Variants in GABBR2 observed in about 807,000 individuals in gnomAD.
GABBR2 encodes G-protein coupled receptor 51.
A neutral mutation model predicts 105.6 loss-of-function variants in GABBR2; 23 were observed. The observed-to-expected ratio is 0.22, with a 90% CI of 0.16 to 0.31. The LOEUF is 0.31. Ranked by LOEUF, GABBR2 falls within the 10% of genes least tolerant of loss-of-function variation. The pLI is 1.00. For synonymous variants in GABBR2, 478 were observed against 499.7 expected (o/e 0.96, Z 0.58); for missense variants, 734 against 1,245.5 (o/e 0.59, Z 6.18).
At chr9:98,486,091 A>G (rs909985258) in intron 4 of GABBR2, among the ~76,000 whole-genome samples, 1 of 152,134 alleles carries the variant, frequency 6.6e-6, no homozygotes, top group Non-Finnish European at 1.5e-5. Context: ...TCTCCTGAGT[A>G]CTTCCACAAT....
intron 7 of GABBR2, among the ~76,000 whole-genome samples, chr9:98,433,804 G>A (rs529431020): frequency 1.1e-4 from 17 of 152,262 alleles, no homozygotes; most frequent in African/African-American, 4.1e-4. Context: ...TGGAAGGTGG[G>A]GGCTCAGAAG....
chr9:98,411,153 T>C (rs1832584970), intron 7 of GABBR2, among the ~76,000 whole-genome samples: 2 of 152,202 alleles, frequency 1.3e-5, no homozygotes, highest in South Asian at 4.1e-4. Context: ...AAGGATTTTT[T>C]TTCCCCCTGA....
chr9:98,425,738 G>A (rs1035501953), intron 7 of GABBR2, among the ~76,000 whole-genome samples: 18 of 152,172 alleles, frequency 1.2e-4, no homozygotes, highest in African/African-American at 4.3e-4. Context: ...GACTTTGAGT[G>A]GCAGAGCTGG....
chr9:98,561,751 G>A (rs1828676627), intron 2 of GABBR2, among the ~76,000 whole-genome samples: 1 of 152,176 alleles, frequency 6.6e-6, no homozygotes, highest in Non-Finnish European at 1.5e-5. Context: ...TGGCATGGTG[G>A]CATGTGCCTA....
chr9:98,453,274 C>T (rs1440569535), intron 7 of GABBR2, among the ~76,000 whole-genome samples: 1 of 152,254 alleles, frequency 6.6e-6, no homozygotes, highest in Non-Finnish European at 1.5e-5. Flanking sequence ...GATCCACCCG[C>T]CTCAGCCTCC....
At chr9:98,354,475 T>G (rs1212712422) in intron 13 of GABBR2, among the ~76,000 whole-genome samples, 1 of 152,254 alleles carries the variant, frequency 6.6e-6, no homozygotes, top group Non-Finnish European at 1.5e-5. Flanking sequence ...GAAAATGTGT[T>G]GTTTAGTGTA....
At chr9:98,386,098 T>C (rs1189064002) in intron 10 of GABBR2, among the ~76,000 whole-genome samples, 3 of 152,234 alleles carry the variant, frequency 2.0e-5, no homozygotes, top group Admixed American at 6.5e-5. Flanking sequence ...TTTCTAATTG[T>C]TGATTTCCCT....
At chr9:98,587,570 A>G (rs926657538) in intron 1 of GABBR2, among the ~76,000 whole-genome samples, 1 of 152,226 alleles carries the variant, frequency 6.6e-6, no homozygotes, top group Non-Finnish European at 1.5e-5. Context: ...TGAGAGCCAG[A>G]CCCATTTAAC....
intron 1 of GABBR2, among the ~76,000 whole-genome samples, chr9:98,586,238 C>T (rs552660508): frequency 1.3e-5 from 2 of 152,068 alleles, no homozygotes; most frequent in South Asian, 4.2e-4. Context: ...AGGGGGAGCC[C>T]CAGGCCTGAA....
rs189916602 is a variant in GABBR2, at chr9:98,678,254, C to A, written c.321+30163G>T. ...TTCACCTTGATCATATTGTTTTCAT[C>A]CTGCTTTAGAACAATTTGTTTTCAG... On this transcript the variant is annotated intron_variant, in intron 1 of 18. Transcript: ENST00000259455. 5.1e-3 allele frequency among the ~76,000 whole-genome samples: 780 copies of A among 152,276 alleles called. 3 individuals carry two copies. The highest frequency in any genetic ancestry group is 8.1e-3 in the Non-Finnish European group (554 of 68,024).
intron 2 of GABBR2, among the ~76,000 whole-genome samples, chr9:98,575,504 C>T (rs764907792): frequency 2.0e-5 from 3 of 152,092 alleles, no homozygotes; most frequent in Non-Finnish European, 4.4e-5. Context: ...TCTTTCCATC[C>T]ACACAACAAA....
intron 13 of GABBR2, among the ~76,000 whole-genome samples, chr9:98,330,563 C>A (rs1234327318): frequency 1.3e-5 from 2 of 152,142 alleles, no homozygotes; most frequent in Non-Finnish European, 2.9e-5. Flanking sequence ...GGTATTGGAC[C>A]CGACAATCAT....
At chr9:98,343,430 G>C (rs1305746754) in intron 13 of GABBR2, among the ~76,000 whole-genome samples, 1 of 152,216 alleles carries the variant, frequency 6.6e-6, no homozygotes, top group East Asian at 1.9e-4. Context: ...GGAATGGTCA[G>C]GTGGAGGTGT....
At chr9:98,455,535 C>T (rs1826310893) in intron 6 of GABBR2, among the ~76,000 whole-genome samples, 1 of 152,202 alleles carries the variant, frequency 6.6e-6, no homozygotes, top group South Asian at 2.1e-4. Context: ...AGAGACATGT[C>T]CAAGGTTACA....
intron 13 of GABBR2, among the ~76,000 whole-genome samples, chr9:98,319,848 T>A (rs888277022): frequency 6.6e-6 from 1 of 152,166 alleles, no homozygotes; most frequent in Non-Finnish European, 1.5e-5. Flanking sequence ...CTGCTCCTCC[T>A]CACCTTCAGG....
chr9:98,610,794 CG>C (rs1320370975), intron 1 of GABBR2, among the ~76,000 whole-genome samples: 1 of 151,436 alleles, frequency 6.6e-6, no homozygotes, highest in East Asian at 1.9e-4. Flanking sequence ...AAAAAAAAAA[CG>C]TGTGCTGTTT....
chr9:98,420,104 G>A (rs117932889), intron 7 of GABBR2, among the ~76,000 whole-genome samples: 2,213 of 152,154 alleles, frequency 0.015, 21 homozygotes, highest in Non-Finnish European at 0.024. Flanking sequence ...AGGGGTGGTG[G>A]TGTGATGAAG....
intron 15 of GABBR2, among the ~76,000 whole-genome samples, chr9:98,305,592 A>C (rs1019129840): frequency 1.3e-5 from 2 of 152,232 alleles, no homozygotes; most frequent in African/African-American, 4.8e-5. Flanking sequence ...AGGCCGGAGG[A>C]TCGCTTGAGC....
rs1416435629 is a variant in GABBR2, at chr9:98,425,849, C to T, written c.1237-19708G>A. Among the ~76,000 whole-genome samples the T allele has an allele frequency of 2.6e-5, 4 of 152,194 alleles. No homozygotes were observed. In the East Asian group the frequency reaches 7.7e-4, roughly 29 times the overall value. On this transcript the variant is annotated intron_variant, in intron 7 of 18. Coordinates refer to ENST00000259455, the MANE Select transcript of GABBR2 (RefSeq NM_005458.8). Reference sequence around the variant, plus strand: ...CTGTAGTAGTCCTACCCCGGGTTGGCTGTAGGCCTCCTCTGGCTTAGCTTA... The same window carrying T: ...CTGTAGTAGTCCTACCCCGGGTTGGTTGTAGGCCTCCTCTGGCTTAGCTTA...
Sources: allele counts gnomAD v4.1 joint callset (sites outside exome capture counted in the v4.1 genomes callset), GRCh38; gene constraint gnomAD v4.1.1; transcripts MANE v1.5; gene names NCBI Gene and HGNC (gene_info 2026-07-23, HGNC 2026-07-21).